The following PALM2AKAP2 variants were observed in gnomAD, a reference collection of about 807,000 sequenced individuals.
PALM2AKAP2 encodes PALM2 and AKAP2 fusion.
A neutral mutation model predicts 71.5 loss-of-function variants in PALM2AKAP2; 37 were observed. The ratio of observed to expected loss-of-function variants is 0.52; its 90% CI spans 0.40 to 0.68. PALM2AKAP2 has a LOEUF of 0.68. Among genes scored for constraint, PALM2AKAP2 ranks in the 30% least tolerant of loss-of-function variants. PALM2AKAP2 has a pLI of 0.00. For missense variants in PALM2AKAP2, 1,224 were observed against 1,191.8 expected, an observed-to-expected ratio of 1.03 and a Z score of -0.40; for synonymous variants, 468 against 478.8, an observed-to-expected ratio of 0.98 and a Z score of 0.29.
chr9:109,799,319 C>T (rs1036917667), intron 1 of PALM2AKAP2, among the ~76,000 whole-genome samples: 2 of 152,198 alleles, frequency 1.3e-5, no homozygotes, highest in African/African-American at 4.8e-5. Context: ...CTGTGAGAGG[C>T]TGAGAGCCAC....
chr9:109,662,171 C>A (rs1368842073), intron 1 of PALM2AKAP2, among the ~76,000 whole-genome samples: 1 of 152,072 alleles, frequency 6.6e-6, no homozygotes, highest in African/African-American at 2.4e-5. Context: ...TTTCTCCTGC[C>A]TGATTGCCCT....
chr9:109,738,352 G>A (rs1404732728), intron 1 of PALM2AKAP2, among the ~76,000 whole-genome samples: 1 of 152,132 alleles, frequency 6.6e-6, no homozygotes, highest in Non-Finnish European at 1.5e-5. Context: ...TCTTTTTGAA[G>A]AATGAACAGA....
At chr9:109,844,399 G>A (rs1167798840) in intron 1 of PALM2AKAP2, among the ~76,000 whole-genome samples, 1 of 152,156 alleles carries the variant, frequency 6.6e-6, no homozygotes, top group Non-Finnish European at 1.5e-5. Flanking sequence ...CTCTGGATGC[G>A]ATTCTGGAAC....
chr9:110,014,665 T>C, intron 6 of PALM2AKAP2, among the ~76,000 whole-genome samples: 1 of 149,184 alleles, frequency 6.7e-6, no homozygotes, highest in African/African-American at 2.5e-5. Flanking sequence ...CTGAGCTACT[T>C]GGGAGGCTGA....
At chr9:110,069,830 T>G (rs1251085722) in intron 1 of PALM2AKAP2, among the ~76,000 whole-genome samples, 1 of 152,264 alleles carries the variant, frequency 6.6e-6, no homozygotes, top group Non-Finnish European at 1.5e-5. Flanking sequence ...TTCCGCCTGG[T>G]ATGATTTATC....
At chr9:109,855,883 A>G (rs1293347772) in intron 1 of PALM2AKAP2, among the ~76,000 whole-genome samples, 1 of 152,214 alleles carries the variant, frequency 6.6e-6, no homozygotes, top group African/African-American at 2.4e-5. Context: ...AAGGTAGAAA[A>G]TTATCATTTT....
intron 1 of PALM2AKAP2, among the ~76,000 whole-genome samples, chr9:109,689,476 A>G (rs1018851149): frequency 1.4e-4 from 21 of 152,178 alleles, no homozygotes; most frequent in African/African-American, 4.3e-4. Flanking sequence ...CTGGGATTAC[A>G]GGCGTGAGCC....
At chr9:110,162,064 A>G in intron 3 of PALM2AKAP2, 30 bp from the exon 10 acceptor site, 4 of 1,613,448 alleles carry the variant, frequency 2.5e-6, no homozygotes, top group East Asian at 2.2e-5. Flanking sequence ...ACTGCCATGT[A>G]CTAACCCTGG....
chr9:109,827,982 C>T (rs997509986), intron 1 of PALM2AKAP2, among the ~76,000 whole-genome samples: 2 of 152,160 alleles, frequency 1.3e-5, no homozygotes, highest in African/African-American at 4.8e-5. Flanking sequence ...AGAAGTAGAG[C>T]CAGCTTTTAT....
intron 5 of PALM2AKAP2, among the ~76,000 whole-genome samples, chr9:109,931,479 G>A (rs1831100113): frequency 6.6e-6 from 1 of 152,326 alleles, no homozygotes; most frequent in South Asian, 2.1e-4. Flanking sequence ...TTCAGGGAAT[G>A]AACCCCATAA....
chr9:109,780,266 G>C (rs966400639), upstream of PALM2AKAP2: 4 of 1,182,810 alleles, frequency 3.4e-6, no homozygotes, highest in Admixed American at 9.1e-5. Flanking sequence ...GGCGGCGCTG[G>C]GGCGCAGCCA....
intron 1 of PALM2AKAP2, among the ~76,000 whole-genome samples, chr9:109,729,928 G>C (rs1001513085): frequency 1.3e-5 from 2 of 152,194 alleles, no homozygotes; most frequent in Non-Finnish European, 2.9e-5. Context: ...AAAAGAGCAT[G>C]GACTGGACCT....
At chr9:109,797,545 G>A (rs1380426992) in intron 1 of PALM2AKAP2, among the ~76,000 whole-genome samples, 1 of 152,162 alleles carries the variant, frequency 6.6e-6, no homozygotes. Flanking sequence ...CTCAGAAGCA[G>A]CAGTGAGCAG....
chr9:109,812,710 C>A (rs1320306661), intron 1 of PALM2AKAP2, among the ~76,000 whole-genome samples: 1 of 152,206 alleles, frequency 6.6e-6, no homozygotes, highest in African/African-American at 2.4e-5. Context: ...CTTGGCCTTG[C>A]CAGCTTTATT....
At chr9:109,664,528 C>T (rs1169537081) in intron 1 of PALM2AKAP2, among the ~76,000 whole-genome samples, 2 of 152,342 alleles carry the variant, frequency 1.3e-5, no homozygotes, top group East Asian at 1.9e-4. Context: ...CCACTCTCTT[C>T]TGGCTTGTAG....
At chr9:109,842,717 A>G (rs1475266548) in intron 1 of PALM2AKAP2, among the ~76,000 whole-genome samples, 1 of 152,130 alleles carries the variant, frequency 6.6e-6, no homozygotes, top group Non-Finnish European at 1.5e-5. Context: ...CGGCCCAAGA[A>G]GTTCAAAATT....
At chr9:109,990,724 T>C (rs189290747) in intron 6 of PALM2AKAP2, among the ~76,000 whole-genome samples, 3 of 152,282 alleles carry the variant, frequency 2.0e-5, no homozygotes, top group East Asian at 3.9e-4. Flanking sequence ...CACAGATCAT[T>C]TGGGTGTGGG....
At chr9:109,702,608 G>T (rs940524006) in intron 1 of PALM2AKAP2, among the ~76,000 whole-genome samples, 3 of 151,296 alleles carry the variant, frequency 2.0e-5, no homozygotes, top group African/African-American at 4.8e-5. Context: ...TGGGGGTAGG[G>T]GGGAGGGATA....
chr9:110,083,857 T>TCA (rs1464015713), intron 1 of PALM2AKAP2, among the ~76,000 whole-genome samples: 1 of 152,244 alleles, frequency 6.6e-6, no homozygotes. Flanking sequence ...ATAATGCATT[T>TCA]CACACATAAC....
Sources: gnomAD v4.1 joint callset for allele counts (sites outside exome capture counted in the v4.1 genomes callset) on GRCh38, gnomAD v4.1.1 for gene constraint, MANE v1.5 for transcripts, NCBI Gene and HGNC (gene_info 2026-07-23, HGNC 2026-07-21) for gene names.